Variants in RBFOX1 observed in about 807,000 individuals in gnomAD.
RBFOX1 encodes RNA binding protein fox-1 homolog 1.
Under a neutral mutation model 57.7 loss-of-function variants are expected in RBFOX1, and 8 were observed. That is an observed-to-expected ratio of 0.14 (90% CI 0.08 to 0.25). The LOEUF is 0.25. RBFOX1 is among the 10% of genes least tolerant of loss of function. The probability of loss-of-function intolerance (pLI) is 1.00; values close to 1 mark genes in which losing one functional copy is unlikely to be tolerated. For missense variants in RBFOX1, 611 were observed against 548.5 expected, an observed-to-expected ratio of 1.11 and a Z score of -1.14; for synonymous variants, 326 against 222.4, an observed-to-expected ratio of 1.47 and a Z score of -4.15.
chr16:6,655,645 C>T (rs1603006672), intron 3 of RBFOX1, among the ~76,000 whole-genome samples: 1 of 152,248 alleles, frequency 6.6e-6, no homozygotes, highest in South Asian at 2.1e-4. Context: ...ATTTCTGCAG[C>T]AAAGCACATC....
intron 4 of RBFOX1, among the ~76,000 whole-genome samples, chr16:7,260,660 T>C (rs763328419): frequency 2.6e-5 from 4 of 152,070 alleles, no homozygotes; most frequent in Admixed American, 6.6e-5. Context: ...CATTAGTTTA[T>C]TGATTTTTTT....
intron 4 of RBFOX1, among the ~76,000 whole-genome samples, chr16:7,095,860 A>C (rs753371310): frequency 1.1e-4 from 16 of 151,964 alleles, no homozygotes; most frequent in South Asian, 2.1e-4. Flanking sequence ...AAAATACAAA[A>C]AAATTAGCCA....
intron 4 of RBFOX1, among the ~76,000 whole-genome samples, chr16:7,165,941 C>CAG (rs2079397054): frequency 3.7e-5 from 2 of 54,132 alleles, no homozygotes; most frequent in East Asian, 2.3e-3. Flanking sequence ...CATACACACA[C>CAG]ACACACACAC....
At chr16:6,906,455 T>C (rs967066966) in intron 3 of RBFOX1, among the ~76,000 whole-genome samples, 1 of 152,170 alleles carries the variant, frequency 6.6e-6, no homozygotes, top group African/African-American at 2.4e-5. Flanking sequence ...AAATGCGACT[T>C]TATTTTGAAA....
intron 4 of RBFOX1, among the ~76,000 whole-genome samples, chr16:5,909,307 T>C (rs2058554971): frequency 6.6e-6 from 1 of 152,084 alleles, no homozygotes; most frequent in South Asian, 2.1e-4. Context: ...TTAGCCAGGA[T>C]GGTCTCGATC....
intron 1 of RBFOX1, among the ~76,000 whole-genome samples, chr16:5,389,846 T>C (rs1288895960): frequency 6.6e-6 from 1 of 151,602 alleles, no homozygotes; most frequent in African/African-American, 2.4e-5. Context: ...TACAGGTGCC[T>C]GCCACCACGA....
At chr16:7,517,046 A>C (rs2076506276) in intron 4 of RBFOX1, among the ~76,000 whole-genome samples, 1 of 151,930 alleles carries the variant, frequency 6.6e-6, no homozygotes, top group Non-Finnish European at 1.5e-5. Context: ...CCTAATTGCT[A>C]AGTTTTTTTC....
chr16:5,609,400 C>T (rs879933394), intron 3 of RBFOX1, among the ~76,000 whole-genome samples: 1 of 152,150 alleles, frequency 6.6e-6, no homozygotes, highest in Admixed American at 6.5e-5. Flanking sequence ...AATGTGAATG[C>T]CTGTCACCTT....
chr16:6,724,399 A>G lies in RBFOX1; in HGVS notation c.-16+69749A>G, dbSNP rs372732080. 9.2e-5 allele frequency among the ~76,000 whole-genome samples: 14 copies of G among 152,010 alleles called. No individual in the cohort carries two copies. The East Asian group carries it at 1.8e-3, about 19-fold the overall frequency. ...AAATTTTTATATTTTTAGTAGAGAC[A>G]GGTTTCACCATGTTGCCAGGCTGGT... On this transcript the variant is annotated intron_variant, in intron 3 of 15. Transcript: ENST00000550418.
chr16:7,502,778 C>A (rs986352258), intron 4 of RBFOX1, among the ~76,000 whole-genome samples: 9 of 152,066 alleles, frequency 5.9e-5, no homozygotes, highest in Non-Finnish European at 1.3e-4. Flanking sequence ...AATCCCAGAA[C>A]TTTGAAAGGC....
chr16:6,943,927 A>G (rs2079007666), intron 3 of RBFOX1, among the ~76,000 whole-genome samples: 1 of 152,100 alleles, frequency 6.6e-6, no homozygotes, highest in African/African-American at 2.4e-5. Context: ...TCTGACCATG[A>G]CATATCCCTG....
At position 6,947,253 on chromosome 16, in the gene RBFOX1, C is replaced by G. The variant is rs77820394; in HGVS notation, c.-15-104804C>G. On this transcript the variant is annotated intron_variant, in intron 3 of 15. Transcript: ENST00000550418. ...CCAAAATGATGAGTCAGAAGCTCTT[C>G]TTATTTTCCTGTTTTTCACCTTGAT... Among the ~76,000 whole-genome samples the G allele has an allele frequency of 6.5e-3, 984 of 152,254 alleles. 16 individuals carry two copies. Among genetic ancestry groups the G allele is most frequent in the African/African-American group, 0.023 (946 of 41,558 alleles).
At chr16:6,951,135 G>A (rs2080669330) in intron 3 of RBFOX1, among the ~76,000 whole-genome samples, 3 of 152,184 alleles carry the variant, frequency 2.0e-5, no homozygotes, top group Middle Eastern at 3.4e-3. Context: ...TTAAACTCCT[G>A]GACTCAACAA....
intron 3 of RBFOX1, among the ~76,000 whole-genome samples, chr16:6,889,594 G>A (rs187126213): frequency 8.5e-5 from 13 of 152,178 alleles, no homozygotes; most frequent in East Asian, 1.9e-4. Flanking sequence ...TCGAATTCCC[G>A]ACTAGTTTGT....
rs1168254178 is a variant in RBFOX1, at chr16:6,876,771, A to G, written c.-15-175286A>G. ...AATTTGTGTGCTTTTTCTTATTTAT[A>G]TTTGCATTACAAGAAAACATGAAAT... On this transcript the variant is annotated intron_variant, in intron 3 of 15. Transcript: ENST00000550418. Among the ~76,000 whole-genome samples the G allele has an allele frequency of 2.6e-5, 4 of 152,102 alleles. No individual in the cohort carries two copies. In the South Asian group the frequency reaches 8.3e-4, roughly 32 times the overall value.
chr16:5,277,477 TA>T (rs34558851), intron 1 of RBFOX1, among the ~76,000 whole-genome samples: 130,196 of 152,190 alleles, frequency 0.86, 55,928 homozygotes, highest in African/African-American at 0.92. Context: ...AATAAATTGT[TA>T]ATAGTCACTT....
rs559504487 is a variant in RBFOX1 at position 7,588,024 on chromosome 16, C to G, written c.468+724C>G. Among the ~76,000 whole-genome samples the G allele has an allele frequency of 7.2e-5, 11 of 152,152 alleles. No individual in the cohort carries two copies. The East Asian group carries it at 1.7e-3, about 24-fold the overall frequency. ...TGGAACCTCGTCTTTACTAAAAATA[C>G]AAAAATTAGCTGGGTGTGGTGGCAT... On this transcript the variant is annotated intron_variant, in intron 7 of 15. Transcript: ENST00000550418.
intron 2 of RBFOX1, among the ~76,000 whole-genome samples, chr16:6,517,773 T>A (rs754697779): frequency 6.6e-6 from 1 of 152,168 alleles, no homozygotes; most frequent in African/African-American, 2.4e-5. Context: ...TGGCCAAGAT[T>A]TTTCCAAGTT....
At chr16:7,460,389 A>ATATATATATGTGTGTGTGTGTG in intron 4 of RBFOX1, among the ~76,000 whole-genome samples, 2 of 87,212 alleles carry the variant, frequency 2.3e-5, no homozygotes, top group African/African-American at 1.3e-4. Context: ...ATATATATAT[A>ATATATATATGTGTGTGTGTGTG]TGTGTGTGTG....
Sources: allele counts gnomAD v4.1 joint callset (sites outside exome capture counted in the v4.1 genomes callset), GRCh38; gene constraint gnomAD v4.1.1; transcripts MANE v1.5; gene names NCBI Gene and HGNC (gene_info 2026-07-23, HGNC 2026-07-21).